The following XKR9 variants were observed in gnomAD, a reference collection of about 807,000 sequenced individuals.
The protein encoded by XKR9 is XK-related protein 9.
A neutral mutation model predicts 32.0 loss-of-function variants in XKR9; 32 were observed. The ratio of observed to expected loss-of-function variants is 1.00; its 90% confidence interval spans 0.76 to 1.34. The LOEUF (loss-of-function observed/expected upper bound fraction) is 1.34, where lower values mean the gene tolerates loss of function less well. Ranked by LOEUF, XKR9 falls within the 40% of genes most tolerant of loss-of-function variation. The pLI is 0.00. For synonymous variants in XKR9, 168 were observed against 143.4 expected, an observed-to-expected ratio of 1.17 and a Z score of -1.22; for missense variants, 546 against 429.7, an observed-to-expected ratio of 1.27 and a Z score of -2.39.
At chr8:70,754,556 C>T (rs1221025759) in intron 2 of XKR9, among the ~76,000 whole-genome samples, 1 of 102,378 alleles carries the variant, frequency 9.8e-6, no homozygotes, top group African/African-American at 3.3e-5. Context: ...GGTACTGGTA[C>T]CAAAACAGAT....
intron 2 of XKR9, among the ~76,000 whole-genome samples, chr8:70,769,738 A>G (rs1807427725): frequency 6.6e-6 from 1 of 151,466 alleles, no homozygotes; most frequent in Non-Finnish European, 1.5e-5. Context: ...TTGACTCTTG[A>G]TACTTGTGTG....
chr8:70,833,347 C>A, the XKR9 span, among the ~76,000 whole-genome samples: 3 of 152,106 alleles, frequency 2.0e-5, no homozygotes, highest in African/African-American at 7.2e-5. Flanking sequence ...ACAGACAGTC[C>A]TTGCCTACAT....
At chr8:71,003,250 A>C in the XKR9 span, among the ~76,000 whole-genome samples, 3 of 152,204 alleles carry the variant, frequency 2.0e-5, no homozygotes, top group Non-Finnish European at 4.4e-5. Context: ...TTCCTGTAAC[A>C]TATAAATGTC....
At chr8:70,795,394 T>C in the XKR9 span, among the ~76,000 whole-genome samples, 4 of 152,188 alleles carry the variant, frequency 2.6e-5, no homozygotes, top group Admixed American at 2.6e-4. Flanking sequence ...TTTAGGTTGA[T>C]TCCATGTCTT....
chr8:70,818,045 C>G, the XKR9 span, among the ~76,000 whole-genome samples: 363 of 152,242 alleles, frequency 2.4e-3, 1 homozygote, highest in Middle Eastern at 0.01. Context: ...TTCTGGATAT[C>G]AGCCTTGACT....
rs1806833643 is a variant in XKR9, at chr8:70,735,453, A to C, written c.*1029A>C. The C allele has an allele frequency of 6.7e-6, 1 of 150,138 alleles. No individual in the cohort carries two copies. The highest frequency in any genetic ancestry group is 1.5e-5 in the Non-Finnish European group (1 of 67,630). 9.3% of individuals were successfully genotyped at this position (150,138 alleles called of 1,614,324 possible). ...TTTATTTATTTATTTTTAATTTTTT[A>C]ATTTTATATTATTATTATTATTATT... On this transcript the variant is annotated 3_prime_UTR_variant, in exon 5 of 5. Transcript: ENST00000408926.
chr8:70,882,316 A>C, the XKR9 span, among the ~76,000 whole-genome samples: 2 of 151,934 alleles, frequency 1.3e-5, no homozygotes, highest in South Asian at 4.1e-4. Flanking sequence ...ATTATAAAAA[A>C]ATTAAGGCAT....
chr8:70,816,008 C>T, the XKR9 span, among the ~76,000 whole-genome samples: 1 of 151,906 alleles, frequency 6.6e-6, no homozygotes, highest in South Asian at 2.1e-4. Context: ...GGTATATATC[C>T]AGTAATGGGA....
At chr8:71,028,469 C>T in the XKR9 span, among the ~76,000 whole-genome samples, 1 of 152,010 alleles carries the variant, frequency 6.6e-6, no homozygotes, top group African/African-American at 2.4e-5. Flanking sequence ...TGGTTAGTCA[C>T]CAGGGGCCAG....
At chr8:70,990,777 G>C in the XKR9 span, among the ~76,000 whole-genome samples, 3 of 151,838 alleles carry the variant, frequency 2.0e-5, no homozygotes. Context: ...GAAAGAGAGA[G>C]AGAGAGAGAA....
At chr8:71,054,489 T>A in the XKR9 span, among the ~76,000 whole-genome samples, 2 of 152,152 alleles carry the variant, frequency 1.3e-5, no homozygotes, top group African/African-American at 4.8e-5. Context: ...CTGCTGACAC[T>A]AAGGGTAGGA....
At chr8:70,891,410 T>C in the XKR9 span, among the ~76,000 whole-genome samples, 1 of 152,052 alleles carries the variant, frequency 6.6e-6, no homozygotes, top group Non-Finnish European at 1.5e-5. Context: ...TTTCTACTTT[T>C]TTGATGTAGG....
intron 2 of XKR9, among the ~76,000 whole-genome samples, chr8:70,786,689 T>G (rs1807692930): frequency 1.3e-5 from 2 of 152,150 alleles, no homozygotes; most frequent in South Asian, 4.1e-4. Context: ...ATGCAGCATA[T>G]AGTTGGGTCT....
the XKR9 span, among the ~76,000 whole-genome samples, chr8:70,972,367 G>A: frequency 6.6e-6 from 1 of 152,106 alleles, no homozygotes; most frequent in African/African-American, 2.4e-5. Flanking sequence ...CTATTTGCTT[G>A]TGTCTTTAGG....
chr8:70,902,779 C>T, the XKR9 span, among the ~76,000 whole-genome samples: 5 of 152,080 alleles, frequency 3.3e-5, no homozygotes, highest in Non-Finnish European at 7.4e-5. Flanking sequence ...ATAAATAGCT[C>T]TTATTATTTT....
chr8:70,732,091 A>G (rs1322865772), intron 4 of XKR9, among the ~76,000 whole-genome samples: 1 of 152,176 alleles, frequency 6.6e-6, no homozygotes, highest in Admixed American at 6.5e-5. Flanking sequence ...CAGTGGGGCT[A>G]TAGACAAACC....
the XKR9 span, among the ~76,000 whole-genome samples, chr8:70,944,252 A>G: frequency 6.6e-6 from 1 of 152,234 alleles, no homozygotes; most frequent in Non-Finnish European, 1.5e-5. Context: ...CCATCTTTAT[A>G]AGCAATTGAT....
At chr8:71,058,772 C>T in the XKR9 span, among the ~76,000 whole-genome samples, 4 of 152,216 alleles carry the variant, frequency 2.6e-5, no homozygotes, top group Non-Finnish European at 5.9e-5. Context: ...AAAGTCATCA[C>T]TCTGATGGTT....
intron 4 of XKR9, among the ~76,000 whole-genome samples, chr8:70,727,118 A>G (rs1442189371): frequency 1.3e-5 from 2 of 152,212 alleles, no homozygotes; most frequent in Non-Finnish European, 2.9e-5. Context: ...TATGGTTTAT[A>G]GAAATGTCTT....
Sources: allele counts gnomAD v4.1 joint callset (sites outside exome capture counted in the v4.1 genomes callset), GRCh38; gene constraint gnomAD v4.1.1; transcripts MANE v1.5; gene names NCBI Gene and HGNC (gene_info 2026-07-23, HGNC 2026-07-21).